Variants in ERN1 observed in about 807,000 individuals in gnomAD.
ERN1 encodes serine/threonine-protein kinase/endoribonuclease IRE1.
A neutral mutation model predicts 113.1 loss-of-function variants in ERN1; 39 were observed. The observed-to-expected ratio is 0.34, with a 90% CI of 0.27 to 0.45. The LOEUF is 0.45. Ranked by LOEUF, ERN1 falls within the 20% of genes least tolerant of loss-of-function variation. The pLI, the probability that ERN1 is intolerant of heterozygous loss-of-function variation, is 1.00. For missense variants in ERN1, 976 were observed against 1,274.8 expected (o/e 0.77, Z 3.57); for synonymous variants, 507 against 515.9 (o/e 0.98, Z 0.23).
At chr17:64,065,124 G>T (rs1254527923) in intron 9 of ERN1, 85 bp downstream of exon 9, 6 of 832,394 alleles carry the variant, frequency 7.2e-6, no homozygotes, top group Non-Finnish European at 1.1e-5. Flanking sequence ...TTAACCTGCA[G>T]GATGCTCATG....
chr17:64,086,697 A>G (rs935851178), intron 2 of ERN1, among the ~76,000 whole-genome samples: 8 of 110,422 alleles, frequency 7.2e-5, no homozygotes. Flanking sequence ...CCCAGGCTGG[A>G]GTGCAGTGGC....
intron 2 of ERN1, among the ~76,000 whole-genome samples, chr17:64,088,761 A>G (rs1219585869): frequency 6.6e-6 from 1 of 152,162 alleles, no homozygotes; most frequent in East Asian, 1.9e-4. Flanking sequence ...AGGCTTTCCT[A>G]GGTGGGGACC....
At chr17:64,058,139 G>A in intron 11 of ERN1, 146 bp from the exon 12 acceptor site, 1 of 655,940 alleles carries the variant, frequency 1.5e-6, no homozygotes, top group Non-Finnish European at 2.5e-6. Context: ...CAAAGATCAT[G>A]TAGCCAGATA....
intron 1 of ERN1, among the ~76,000 whole-genome samples, chr17:64,103,625 G>C (rs138739399): frequency 2.0e-4 from 31 of 152,154 alleles, no homozygotes; most frequent in Admixed American, 1.3e-3. Context: ...AGAGATGATT[G>C]AAAGGTACAT....
intron 1 of ERN1, among the ~76,000 whole-genome samples, chr17:64,100,041 A>G (rs577783565): frequency 1.7e-4 from 26 of 152,350 alleles, no homozygotes; most frequent in African/African-American, 5.3e-4. Context: ...CCAGGAAAAC[A>G]TAAGCCTCAA....
Position 64,079,682 on chromosome 17 carries a change from T to C in ERN1, c.262A>G (p.Lys88Glu), listed in dbSNP as rs762602623. The change falls in exon 4 of 22, where the codon AAG becomes GAG. Residue 88 changes from lysine to glutamate, a missense_variant. Lys to Glu is a moderately conservative substitution (Grantham distance 56). Coordinates refer to ENST00000433197, the MANE Select transcript of ERN1 (RefSeq NM_001433.5). ...NDGSLYTLGS[K>E]NNEGLTKLPF... Reference sequence around the variant, plus strand: ...CTCACCGTCAGGCCTTCATTATTCTTGCTTCCAAGCGTATACAGGCTGCCA... The same window carrying C: ...CTCACCGTCAGGCCTTCATTATTCTCGCTTCCAAGCGTATACAGGCTGCCA... The C allele has an allele frequency of 1.2e-6, 2 of 1,613,878 alleles. No individual in the cohort carries two copies. Among genetic ancestry groups the C allele is most frequent in the Non-Finnish European group, 1.7e-6 (2 of 1,179,774 alleles).
In ERN1 at chr17:64,040,921, G is replaced by C. The variant is rs569870136; in HGVS notation, c.*3067C>G. 1.3e-5 allele frequency: 2 copies of C among 152,156 alleles called. No individual in the cohort carries two copies. The highest frequency in any genetic ancestry group is 4.8e-5 in the African/African-American group (2 of 41,436). 9.4% of individuals were successfully genotyped at this position (152,156 alleles called of 1,614,324 possible). Reference sequence around the variant, plus strand: ...AGCACTTTGGGAGGCTGAGGCAGGCGGATCACGAGGTTAGGAGATCGAGAC... The same window carrying C: ...AGCACTTTGGGAGGCTGAGGCAGGCCGATCACGAGGTTAGGAGATCGAGAC... On this transcript the variant is annotated 3_prime_UTR_variant, in exon 22 of 22. Coordinates refer to ENST00000433197, the MANE Select transcript of ERN1 (RefSeq NM_001433.5).
At chr17:64,100,016 C>T (rs534718350) in intron 1 of ERN1, among the ~76,000 whole-genome samples, 99 of 152,324 alleles carry the variant, frequency 6.5e-4, no homozygotes, top group Admixed American at 5.4e-3. Context: ...AAATTAATAT[C>T]AGAGTATAAA....
intron 1 of ERN1, 136 bp from the exon 2 acceptor site, chr17:64,098,377 G>T: frequency 8.8e-7 from 1 of 1,134,932 alleles, no homozygotes; most frequent in Non-Finnish European, 1.3e-6. Flanking sequence ...AAGGTGGAGA[G>T]CCTAAATTCC....
chr17:64,045,981 G>A (rs1028682586), intron 19 of ERN1, among the ~76,000 whole-genome samples: 12 of 152,138 alleles, frequency 7.9e-5, no homozygotes, highest in Non-Finnish European at 1.5e-4. Flanking sequence ...AGGAAACTTG[G>A]TGGCAAGAGT....
intron 2 of ERN1, among the ~76,000 whole-genome samples, chr17:64,093,398 G>A (rs1298727475): frequency 6.6e-6 from 1 of 152,170 alleles, no homozygotes; most frequent in Non-Finnish European, 1.5e-5. Context: ...CATCTGTTCA[G>A]TTTCAACACA....
chr17:64,054,910 T>C lies in ERN1; in HGVS notation c.1673-82A>G. 1 of 1,054,436 alleles carries C rather than the reference T, an allele frequency of 9.5e-7. No individual in the cohort carries two copies. The highest frequency in any genetic ancestry group is 1.4e-6 in the Non-Finnish European group (1 of 717,292). The allele number at this position is 1,054,436 out of a possible 1,614,324, so 65.3% of individuals were successfully genotyped here. ...GAGGTTAACATAGTGACAAGCTTCC[T>C]GACCTCAGATTAAAAGATGGGATTT... On this transcript the variant is annotated intron_variant, in intron 13 of 21. Coordinates refer to ENST00000433197, the MANE Select transcript of ERN1 (RefSeq NM_001433.5). This position sits in a 1 kb window ranked among gnomAD's most constrained non-coding sequence, Gnocchi z 4.9.
intron 1 of ERN1, among the ~76,000 whole-genome samples, chr17:64,117,409 C>G (rs533666824): frequency 2.0e-5 from 3 of 151,530 alleles, no homozygotes; most frequent in Non-Finnish European, 4.4e-5. Flanking sequence ...CGCCACTGCA[C>G]TCCAGTGTGG....
intron 1 of ERN1, chr17:64,128,798 C>G (rs1403751024): frequency 6.6e-6 from 1 of 151,896 alleles, no homozygotes; most frequent in Non-Finnish European, 1.5e-5. Flanking sequence ...AAAAAAAAAC[C>G]CTGAATTTGA....
At chr17:64,090,694 C>T (rs982879166) in intron 2 of ERN1, among the ~76,000 whole-genome samples, 2 of 152,162 alleles carry the variant, frequency 1.3e-5, no homozygotes, top group Non-Finnish European at 2.9e-5. Context: ...CACGCTACTA[C>T]GTGTGTGGCA....
intron 2 of ERN1, among the ~76,000 whole-genome samples, chr17:64,088,672 G>T (rs932940262): frequency 1.3e-5 from 2 of 152,144 alleles, no homozygotes; most frequent in Non-Finnish European, 2.9e-5. Context: ...GATAAAGAAG[G>T]GAGCTTATGG....
At chr17:64,058,040 A>C in intron 11 of ERN1, 47 bp from the exon 12 acceptor site, 1 of 1,417,318 alleles carries the variant, frequency 7.1e-7, no homozygotes, top group South Asian at 1.4e-5. Flanking sequence ...TTCTAGCCAG[A>C]TACAGATGAG....
chr17:64,106,656 A>G (rs1914534929), intron 1 of ERN1, among the ~76,000 whole-genome samples: 2 of 150,964 alleles, frequency 1.3e-5, no homozygotes, highest in Non-Finnish European at 2.9e-5. Flanking sequence ...GATTTTAAGA[A>G]ATACCAGTAA....
intron 2 of ERN1, among the ~76,000 whole-genome samples, chr17:64,093,644 C>T (rs1236789991): frequency 6.6e-6 from 1 of 152,212 alleles, no homozygotes; most frequent in Admixed American, 6.5e-5. Flanking sequence ...TCTCTCCCTT[C>T]TCATAAGGAC....
Sources: gnomAD v4.1 joint callset for allele counts (sites outside exome capture counted in the v4.1 genomes callset) on GRCh38, gnomAD v4.1.1 for gene constraint, Gnocchi (gnomAD v3.1) non-coding constraint, MANE v1.5 for transcripts, NCBI Gene and HGNC (gene_info 2026-07-23, HGNC 2026-07-21) for gene names.